Variants in PDCD7 observed in about 807,000 individuals in gnomAD.
PDCD7 encodes the protein programmed cell death 7.
Under a neutral mutation model 42.1 loss-of-function variants are expected in PDCD7, and 40 were observed. The observed-to-expected ratio is 0.95, with a 90% CI of 0.74 to 1.24. The LOEUF (loss-of-function observed/expected upper bound fraction) is 1.24. Ranked by LOEUF, PDCD7 falls within the 50% of genes most tolerant of loss-of-function variation. PDCD7 has a pLI of 0.00. For synonymous variants in PDCD7, 299 were observed against 303.3 expected, an observed-to-expected ratio of 0.99 and a Z score of 0.15; for missense variants, 644 against 662.8, an observed-to-expected ratio of 0.97 and a Z score of 0.31.
chr15:65,132,905 C>CTCTCACCCGCTTCT lies in PDCD7; in HGVS notation c.863_870+6dup. 1 of 1,602,376 alleles carries CTCTCACCCGCTTCT rather than the reference C, an allele frequency of 6.2e-7. No individual in the cohort carries two copies. The highest frequency in any genetic ancestry group is 1.3e-5 in the African/African-American group (1 of 74,936). On this transcript the variant is annotated splice_region_variant and intron_variant, in intron 1 of 4. Transcript: ENST00000204549. ...CTCCTACCCCCATGAGCGGCCGCTG[C>CTCTCACCCGCTTCT]TCTCACCCGCTTCTTCTCCTCCACC...
chr15:65,125,671 C>T (rs1296799433), intron 2 of PDCD7, among the ~76,000 whole-genome samples: 2 of 152,118 alleles, frequency 1.3e-5, no homozygotes, highest in Admixed American at 6.5e-5. Context: ...GTACTTTACA[C>T]ATATTTATTA....
At chr15:65,122,588 C>T (rs977516728) in intron 2 of PDCD7, among the ~76,000 whole-genome samples, 1 of 152,172 alleles carries the variant, frequency 6.6e-6, no homozygotes. Flanking sequence ...AATCAATACA[C>T]TAGAATATAC....
intron 1 of PDCD7, among the ~76,000 whole-genome samples, chr15:65,131,552 C>T (rs1402359825): frequency 1.3e-5 from 2 of 152,080 alleles, no homozygotes; most frequent in Admixed American, 1.3e-4. Flanking sequence ...AGTTCGAGAC[C>T]AGTCTGACCA....
At chr15:65,130,534 T>G (rs1427505820) in intron 1 of PDCD7, among the ~76,000 whole-genome samples, 1 of 152,184 alleles carries the variant, frequency 6.6e-6, no homozygotes, top group Non-Finnish European at 1.5e-5. Context: ...TCCTCTTGCC[T>G]AAAGTGCTCT....
At position 65,118,706 on chromosome 15, in the gene PDCD7, G is replaced by C. The variant is rs756492065; in HGVS notation, c.*11C>G. On this transcript the variant is annotated 3_prime_UTR_variant, in exon 5 of 5. Transcript: ENST00000204549. The stretch of plus-strand genomic sequence containing the variant: ...GAGCGCTGGCTGGACCACACTCCTG[G>C]AGCATCTTTACTAATGCAGCTTAAC... The C allele has an allele frequency of 2.5e-6, 4 of 1,596,290 alleles. No individual in the cohort carries two copies. The highest frequency in any genetic ancestry group is 3.4e-6 in the Non-Finnish European group (4 of 1,172,018).
chr15:65,130,526 C>T (rs1000171767), intron 1 of PDCD7, among the ~76,000 whole-genome samples: 3 of 152,110 alleles, frequency 2.0e-5, no homozygotes, highest in African/African-American at 7.2e-5. Context: ...GGAGAGAATC[C>T]TCTTGCCTAA....
At chr15:65,123,128 G>C (rs775240668) in intron 2 of PDCD7, among the ~76,000 whole-genome samples, 18 of 152,176 alleles carry the variant, frequency 1.2e-4, no homozygotes, top group Non-Finnish European at 2.2e-4. Flanking sequence ...CCAAACACTT[G>C]ACACAGAGAA....
chr15:65,122,004 T>G (rs1230025021), intron 2 of PDCD7, among the ~76,000 whole-genome samples: 2 of 152,144 alleles, frequency 1.3e-5, no homozygotes, highest in African/African-American at 4.8e-5. Context: ...TCCTTGAAGA[T>G]TTTAAAGGAA....
At position 65,127,196 on chromosome 15, in the gene PDCD7, G is replaced by A. The variant is rs565440438; in HGVS notation, c.1009+1836C>T. Among the ~76,000 whole-genome samples the A allele has an allele frequency of 2.6e-3, 392 of 152,194 alleles. 3 individuals are homozygous for A. The highest frequency in any genetic ancestry group is 9.1e-3 in the African/African-American group (379 of 41,524). ...AGCGGGGCCAGGCGTGGTGGCTCAC[G>A]CCTGTAATCCCAGCACTTTGGGAGG... On this transcript the variant is annotated intron_variant, in intron 2 of 4. Transcript: ENST00000204549.
intron 2 of PDCD7, among the ~76,000 whole-genome samples, chr15:65,122,755 A>G (rs1044163494): frequency 3.3e-5 from 5 of 152,094 alleles, no homozygotes; most frequent in Non-Finnish European, 5.9e-5. Context: ...TGTAATTCCA[A>G]CACTTTGGGA....
At chr15:65,121,769 T>A (rs529801653) in intron 2 of PDCD7, among the ~76,000 whole-genome samples, 4 of 152,320 alleles carry the variant, frequency 2.6e-5, no homozygotes, top group South Asian at 4.1e-4. Context: ...TTACTGCTAA[T>A]TTTTTTGGTG....
chr15:65,118,439 C>T lies in PDCD7; in HGVS notation c.*278G>A, dbSNP rs952134473. ...AATTAACAAGTCACTCTGGACCAAGCCCCTCAAAACAGAGGCAAATTTGGT... is the reference window on the plus strand; with the variant it reads ...AATTAACAAGTCACTCTGGACCAAGTCCCTCAAAACAGAGGCAAATTTGGT... On this transcript the variant is annotated 3_prime_UTR_variant, in exon 5 of 5. Transcript: ENST00000204549. The T allele has an allele frequency of 2.6e-5, 8 of 306,856 alleles. No individual in the cohort carries two copies. The Admixed American group carries it at 3.6e-4, about 14-fold the overall frequency. The allele number at this position is 306,856 out of a possible 1,614,324, so 19.0% of individuals were successfully genotyped here. A position where few individuals can be genotyped will look rare whatever the true frequency, so the allele number is the denominator to read the frequency against.
Position 65,133,086 on chromosome 15 carries a change from C to T in PDCD7, c.696G>A (p.Val232=), listed in dbSNP as rs1454971454. ...TCTCCAGCCTCCTCCGCGCCTCGCC[C>T]ACATAGGCAGCCTGGGTCAACGGCT... ...RLQPLTQAAY[V]GEARRRLERV... Residue 232 remains valine (V), a synonymous_variant, in exon 1 of 5, where the codon GTG becomes GTA. Transcript: ENST00000204549. 3.2e-6 allele frequency: 5 copies of T among 1,566,778 alleles called. No homozygotes were observed. The highest frequency in any genetic ancestry group is 4.3e-6 in the Non-Finnish European group (5 of 1,163,166).
chr15:65,120,983 C>T (rs1198069591), intron 2 of PDCD7, among the ~76,000 whole-genome samples: 1 of 151,892 alleles, frequency 6.6e-6, no homozygotes, highest in Non-Finnish European at 1.5e-5. Context: ...TTCAATTACT[C>T]TGACCCTACC....
chr15:65,133,102 GTCAACGGCT>G lies in PDCD7; in HGVS notation c.671_679del (p.Gln224_Thr227delinsPro), dbSNP rs1566973756. 1.3e-6 allele frequency: 2 copies of G among 1,555,946 alleles called. No individual in the cohort carries two copies. The highest frequency in any genetic ancestry group is 1.7e-6 in the Non-Finnish European group (2 of 1,157,862). ...CGCCTCGCCCACATAGGCAGCCTGG[GTCAACGGCT>G]GTAGCCGCTCGGCCAGTTCCGCGCG... is the stretch of plus-strand genomic sequence containing the variant. On this transcript the variant is annotated inframe_deletion, in exon 1 of 5. Coordinates refer to ENST00000204549, the MANE Select transcript of PDCD7 (RefSeq NM_005707.2).
intron 1 of PDCD7, among the ~76,000 whole-genome samples, chr15:65,131,105 A>G (rs2140586976): frequency 6.6e-6 from 1 of 152,278 alleles, no homozygotes; most frequent in East Asian, 1.9e-4. Context: ...GTGAAGCTTC[A>G]TCTCCATTTA....
At chr15:65,122,202 G>A (rs138026531) in intron 2 of PDCD7, among the ~76,000 whole-genome samples, 1 of 152,240 alleles carries the variant, frequency 6.6e-6, no homozygotes, top group East Asian at 1.9e-4. Context: ...CGAGCATGGT[G>A]GCGTGCGCCT....
intron 2 of PDCD7, among the ~76,000 whole-genome samples, chr15:65,128,568 G>A (rs895425175): frequency 2.6e-5 from 4 of 152,218 alleles, no homozygotes; most frequent in African/African-American, 9.6e-5. Context: ...AATCCACACA[G>A]TCTGCAATCC....
intron 1 of PDCD7, among the ~76,000 whole-genome samples, chr15:65,130,515 T>C (rs900453314): frequency 6.6e-6 from 1 of 152,100 alleles, no homozygotes; most frequent in Non-Finnish European, 1.5e-5. Context: ...CCATGGGTGG[T>C]GGAGAGAATC....
Sources: allele counts gnomAD v4.1 joint callset (sites outside exome capture counted in the v4.1 genomes callset), GRCh38; gene constraint gnomAD v4.1.1; transcripts MANE v1.5; gene names NCBI Gene and HGNC (gene_info 2026-07-23, HGNC 2026-07-21).